Variants in LEPR observed in about 807,000 individuals in gnomAD.
LEPR encodes the protein OB receptor.
In LEPR, 56 loss-of-function variants were observed where a neutral mutation model predicts 114.7. The observed-to-expected ratio is 0.49, with a 90% CI of 0.39 to 0.61. The LOEUF (loss-of-function observed/expected upper bound fraction) is 0.61. Among genes scored for constraint, LEPR ranks in the 20% least tolerant of loss-of-function variants. The probability of loss-of-function intolerance (pLI) is 0.00; values close to 1 mark genes in which losing one functional copy is unlikely to be tolerated. For missense variants in LEPR, 1,202 were observed against 1,352.9 expected (o/e 0.89, Z 1.75); for synonymous variants, 443 against 461.4 (o/e 0.96, Z 0.51).
intron 5 of LEPR, among the ~76,000 whole-genome samples, chr1:65,575,595 A>G (rs1654529100): frequency 6.6e-6 from 1 of 151,510 alleles, no homozygotes; most frequent in Non-Finnish European, 1.5e-5. Flanking sequence ...ATGTAGATTC[A>G]TTTTTTAAAA....
intron 2 of LEPR, among the ~76,000 whole-genome samples, chr1:65,460,031 T>C (rs1029206717): frequency 6.6e-6 from 1 of 151,980 alleles, no homozygotes; most frequent in African/African-American, 2.4e-5. Context: ...TTTAGTTTTC[T>C]TCACGGTACT....
chr1:65,593,790 C>T (rs1254649887), intron 6 of LEPR, among the ~76,000 whole-genome samples: 2 of 152,060 alleles, frequency 1.3e-5, no homozygotes, highest in Non-Finnish European at 2.9e-5. Context: ...AACATAATTA[C>T]AATGGCATAC....
At chr1:65,421,499 G>A (rs1397714960) in intron 1 of LEPR, 2 of 1,535,248 alleles carry the variant, frequency 1.3e-6, no homozygotes, top group African/African-American at 1.4e-5. Flanking sequence ...GAATAGAGTA[G>A]CATGACTTGT....
At chr1:65,604,758 C>T (rs1012818143) in intron 10 of LEPR, among the ~76,000 whole-genome samples, 15 of 152,310 alleles carry the variant, frequency 9.8e-5, no homozygotes, top group African/African-American at 3.1e-4. Context: ...GTCAGATCAG[C>T]GCAGCATTAG....
At position 65,612,171 on chromosome 1, in the gene LEPR, A is replaced by G. The variant is rs540305535; in HGVS notation, c.1995+1875A>G. ...CACAAGGCCACAGGATAAGTATGGC[A>G]CTTTTTAAAAAATATCATTTCTCTG... On this transcript the variant is annotated intron_variant, in intron 14 of 19. Coordinates refer to ENST00000349533, the MANE Select transcript of LEPR (RefSeq NM_002303.6). 6.6e-4 allele frequency among the ~76,000 whole-genome samples: 100 copies of G among 152,344 alleles called. 1 individual carries two copies. In the South Asian group the frequency reaches 8.1e-3, roughly 12 times the overall value.
chr1:65,514,003 A>G (rs1389530496), intron 2 of LEPR, among the ~76,000 whole-genome samples: 1 of 152,232 alleles, frequency 6.6e-6, no homozygotes, highest in Non-Finnish European at 1.5e-5. Flanking sequence ...TTACTGCATG[A>G]AGTACTGAAA....
intron 3 of LEPR, among the ~76,000 whole-genome samples, chr1:65,568,016 GA>G (rs1403159993): frequency 2.0e-5 from 3 of 152,138 alleles, no homozygotes; most frequent in Non-Finnish European, 4.4e-5. Flanking sequence ...TGCAGCTTTA[GA>G]AACATACAGA....
At chr1:65,449,238 G>A (rs1180249274) in intron 2 of LEPR, among the ~76,000 whole-genome samples, 2 of 151,072 alleles carry the variant, frequency 1.3e-5, no homozygotes, top group African/African-American at 4.9e-5. Context: ...ATCCTAGCTA[G>A]AGGCTTAGTG....
chr1:65,488,819 G>C (rs1647716186), intron 2 of LEPR, among the ~76,000 whole-genome samples: 1 of 151,704 alleles, frequency 6.6e-6, no homozygotes, highest in South Asian at 2.1e-4. Flanking sequence ...TATCTCAATG[G>C]GTTCAATTGC....
chr1:65,572,021 G>T (rs188936354), intron 4 of LEPR, among the ~76,000 whole-genome samples: 1 of 149,544 alleles, frequency 6.7e-6, no homozygotes, highest in East Asian at 2.0e-4. Flanking sequence ...AACTGAGCTA[G>T]GTGAGTTTTG....
In LEPR at chr1:65,572,301, T is replaced by TG. The variant is rs774946868; in HGVS notation, c.371-25_371-24insG. ...GATTTCATGTAGTTGTTTTTTTTTT[T>TG]TTTTTTTTTTTTTTTTAAATTCAGA... On this transcript the variant is annotated intron_variant, in intron 4 of 19. Coordinates refer to ENST00000349533, the MANE Select transcript of LEPR (RefSeq NM_002303.6). 866 of 1,368,118 alleles carry TG rather than the reference T, an allele frequency of 6.3e-4. 3 individuals are homozygous for TG. Among genetic ancestry groups the TG allele is most frequent in the Admixed American group, 2.2e-3 (74 of 34,350 alleles). The allele number at this position is 1,368,118 out of a possible 1,614,324, so 84.7% of individuals were successfully genotyped here.
chr1:65,503,919 A>G (rs757261071), intron 2 of LEPR, among the ~76,000 whole-genome samples: 1 of 152,064 alleles, frequency 6.6e-6, no homozygotes, highest in Non-Finnish European at 1.5e-5. Context: ...TGTTCCAATA[A>G]AAGGAACCAG....
rs569914154 is a variant in LEPR, at chr1:65,519,984, C to T, written c.-20-45562C>T. Among the ~76,000 whole-genome samples the T allele has an allele frequency of 2.3e-4, 35 of 152,208 alleles. 1 individual carries two copies. In the South Asian group the frequency reaches 7.3e-3, roughly 32 times the overall value. ...GTTCATGCCATTCTCCTGCCTCAGC[C>T]TCCCAAGTAGCTGGGACTACAGGGG... On this transcript the variant is annotated intron_variant, in intron 2 of 19. Coordinates refer to ENST00000349533, the MANE Select transcript of LEPR (RefSeq NM_002303.6).
intron 1 of LEPR, among the ~76,000 whole-genome samples, chr1:65,421,788 C>T (rs1484994107): frequency 6.6e-6 from 1 of 152,030 alleles, no homozygotes; most frequent in Non-Finnish European, 1.5e-5. Context: ...AGTAGTGTCT[C>T]AGTACTACAC....
At chr1:65,585,555 A>G (rs1655258797) in intron 5 of LEPR, among the ~76,000 whole-genome samples, 1 of 152,066 alleles carries the variant, frequency 6.6e-6, no homozygotes, top group African/African-American at 2.4e-5. Context: ...TAAAGAGACA[A>G]AATTTTAAGT....
chr1:65,536,386 C>G (rs2100642947), intron 2 of LEPR, among the ~76,000 whole-genome samples: 1 of 152,228 alleles, frequency 6.6e-6, no homozygotes, highest in East Asian at 1.9e-4. Flanking sequence ...TGCCATGCTT[C>G]TTGTATCGCC....
rs773083309 is a variant in LEPR, at chr1:65,420,708, G to A, written c.-129G>A. On this transcript the variant is annotated 5_prime_UTR_variant, in exon 1 of 20. Coordinates refer to ENST00000349533, the MANE Select transcript of LEPR (RefSeq NM_002303.6). ...TGGCAGGAAGCCGGAAGCAGCCGCG[G>A]CCCCAGTTCGGGAGACATGGCGGGC... 1 of 1,580,130 alleles carries A rather than the reference G, an allele frequency of 6.3e-7. No homozygotes were observed. The highest frequency in any genetic ancestry group is 1.3e-5 in the African/African-American group (1 of 74,396).
At chr1:65,471,334 G>C (rs1647080135) in intron 2 of LEPR, among the ~76,000 whole-genome samples, 1 of 152,156 alleles carries the variant, frequency 6.6e-6, no homozygotes, top group South Asian at 2.1e-4. Flanking sequence ...TGGGGTCAGG[G>C]CATGGAAAAA....
chr1:65,628,070 A>T (rs887721235), intron 19 of LEPR, among the ~76,000 whole-genome samples: 1 of 152,134 alleles, frequency 6.6e-6, no homozygotes, highest in African/African-American at 2.4e-5. Flanking sequence ...TAAAAATCCA[A>T]TATTTTGAAT....
Sources: gnomAD v4.1 joint callset for allele counts (sites outside exome capture counted in the v4.1 genomes callset) on GRCh38, gnomAD v4.1.1 for gene constraint, MANE v1.5 for transcripts, NCBI Gene and HGNC (gene_info 2026-07-23, HGNC 2026-07-21) for gene names.